Variants in MCTP1 observed in about 807,000 individuals in gnomAD.
MCTP1 encodes multiple C2 and transmembrane domain containing 1.
MCTP1 carries 69 observed loss-of-function variants against 120.6 expected under a neutral mutation model. That is an observed-to-expected ratio of 0.57 (90% CI 0.47 to 0.70). MCTP1 has a LOEUF of 0.70. Among genes scored for constraint, MCTP1 ranks in the 30% least tolerant of loss-of-function variants. MCTP1 has a pLI of 0.00. For synonymous variants in MCTP1, 529 were observed against 493.1 expected, an observed-to-expected ratio of 1.07 and a Z score of -0.96; for missense variants, 1,203 against 1,248.8, an observed-to-expected ratio of 0.96 and a Z score of 0.55.
Position 95,284,363 on chromosome 5 carries a change from C to A in MCTP1, c.213G>T (p.Gly71=), listed in dbSNP as rs528761511. The change falls in exon 1 of 23, where the codon GGG becomes GGT. Residue 71 remains glycine, a synonymous_variant. Transcript: ENST00000515393. This position sits in a 1 kb window ranked among gnomAD's most constrained non-coding sequence, Gnocchi z 5.2. ...PVGTGNAPAR[G]SGAGSRWSGF... ...CGCTCCACCTGCTGCCTGCACCACT[C>A]CCCCTGGCCGGTGCATTCCCTGTGC... 4.4e-6 allele frequency: 7 copies of A among 1,596,244 alleles called. No individual in the cohort carries two copies. The East Asian group carries it at 6.7e-5, about 15-fold the overall frequency.
rs70978134 is a variant in MCTP1, at chr5:94,847,646, CTGTGTGTGTG to C, written c.2436+20677_2436+20686del. ...ACTGATCATATTAAGAAGCAGCAAT[CTGTGTGTGTG>C]TGTGTGTGTGTGTGTGTGTGTGTGT... On this transcript the variant is annotated intron_variant, in intron 17 of 22. Transcript: ENST00000515393. Among the ~76,000 whole-genome samples the C allele has an allele frequency of 3.5e-4, 41 of 115,712 alleles. 1 individual carries two copies. Among genetic ancestry groups the C allele is most frequent in the African/African-American group, 6.6e-4 (20 of 30,078 alleles). The allele number at this position is 115,712 out of a possible 152,430, so 75.9% of individuals were successfully genotyped here. A position where few individuals can be genotyped will look rare whatever the true frequency, so the allele number is the denominator to read the frequency against.
intron 1 of MCTP1, among the ~76,000 whole-genome samples, chr5:95,182,412 A>C (rs1374342816): frequency 1.3e-5 from 2 of 152,192 alleles, no homozygotes; most frequent in African/African-American, 2.4e-5. Flanking sequence ...ACTACTCCTG[A>C]CACTTTTTTC....
At position 94,757,071 on chromosome 5, in the gene MCTP1, T is replaced by C. The variant is rs187141555; in HGVS notation, c.2610+22039A>G. Among the ~76,000 whole-genome samples the C allele has an allele frequency of 2.6e-5, 4 of 152,262 alleles. No homozygotes were observed. In the East Asian group the frequency reaches 7.7e-4, roughly 29 times the overall value. ...AGTTGCTTTGTCCTCATCTGTGAAA[T>C]GTGAATGACAGAACCTACCTAATAG... On this transcript the variant is annotated intron_variant, in intron 19 of 22. Transcript: ENST00000515393.
At chr5:95,059,156 A>C (rs1664821853) in intron 1 of MCTP1, among the ~76,000 whole-genome samples, 1 of 152,198 alleles carries the variant, frequency 6.6e-6, no homozygotes. Flanking sequence ...TAGCAAAGAC[A>C]CAGAATCAAC....
chr5:95,058,015 A>G (rs1173003647), intron 1 of MCTP1, among the ~76,000 whole-genome samples: 1 of 152,188 alleles, frequency 6.6e-6, no homozygotes, highest in African/African-American at 2.4e-5. Flanking sequence ...TTACAACAAC[A>G]ACAACAACAA....
intron 17 of MCTP1, among the ~76,000 whole-genome samples, chr5:94,862,477 C>A (rs1327441943): frequency 1.3e-5 from 2 of 151,730 alleles, no homozygotes; most frequent in African/African-American, 4.8e-5. Flanking sequence ...TTAGCAGATA[C>A]AAAAACAAAA....
intron 21 of MCTP1, 170 bp downstream of exon 21, chr5:94,710,648 G>T: frequency 1.9e-6 from 1 of 530,672 alleles, no homozygotes. Context: ...TTTGCAGGTG[G>T]ACCTAAATCT....
chr5:94,912,752 T>C (rs1016282491), intron 9 of MCTP1, 54 bp downstream of exon 9: 22 of 1,426,480 alleles, frequency 1.5e-5, no homozygotes, highest in Non-Finnish European at 1.9e-5. Context: ...GCAGGGCTAT[T>C]AACCAACCAA....
chr5:95,027,299 G>C (rs536770519), intron 1 of MCTP1, among the ~76,000 whole-genome samples: 1 of 152,270 alleles, frequency 6.6e-6, no homozygotes, highest in African/African-American at 2.4e-5. Context: ...TAAATCCCTT[G>C]CCCCTTGCTC....
chr5:94,726,686 G>C lies in MCTP1; in HGVS notation c.2611-11800C>G, dbSNP rs74363771. ...TTTATCTTTCCACTTGAGGTGGCAGGGTCATATGGTTCCTCCATTTTACAG... is the reference window on the plus strand; with the variant it reads ...TTTATCTTTCCACTTGAGGTGGCAGCGTCATATGGTTCCTCCATTTTACAG... On this transcript the variant is annotated intron_variant, in intron 19 of 22. Transcript: ENST00000515393. 2.8e-3 allele frequency among the ~76,000 whole-genome samples: 423 copies of C among 152,136 alleles called. 2 individuals carry two copies. Among genetic ancestry groups the C allele is most frequent in the African/African-American group, 0.01 (417 of 41,494 alleles).
intron 1 of MCTP1, among the ~76,000 whole-genome samples, chr5:95,263,994 T>C (rs1053684827): frequency 2.0e-5 from 3 of 152,168 alleles, no homozygotes; most frequent in Non-Finnish European, 4.4e-5. Context: ...TAAAAAACCA[T>C]CTTCTTGCAA....
intron 1 of MCTP1, among the ~76,000 whole-genome samples, chr5:95,102,454 G>T (rs1419256862): frequency 6.6e-6 from 1 of 152,202 alleles, no homozygotes; most frequent in Non-Finnish European, 1.5e-5. Flanking sequence ...TTGAAGGGTG[G>T]TTTGTTATTC....
At chr5:94,940,575 TACATATATATGTATATATATATACAC>T (rs1275421167) in intron 4 of MCTP1, among the ~76,000 whole-genome samples, 1,239 of 119,326 alleles carry the variant, frequency 0.01, 25 homozygotes, top group African/African-American at 0.043. Flanking sequence ...TATATATATA[TACATATATATGTATATATATATACAC>T]ATATACATAT....
At chr5:94,764,925 G>A (rs146701411) in intron 19 of MCTP1, among the ~76,000 whole-genome samples, 8 of 149,874 alleles carry the variant, frequency 5.3e-5, no homozygotes, top group South Asian at 2.1e-4. Context: ...CCATTTAATC[G>A]AACAGCTGCA....
At chr5:94,930,274 T>TA (rs1261643116) in intron 6 of MCTP1, among the ~76,000 whole-genome samples, 3 of 137,910 alleles carry the variant, frequency 2.2e-5, no homozygotes, top group African/African-American at 8.2e-5. Flanking sequence ...AGAATTTTTT[T>TA]TTTTTTTTTT....
Position 94,870,906 on chromosome 5 carries a change from A to G in MCTP1, c.2207T>C (p.Val736Ala). 1 of 1,612,812 alleles carries G rather than the reference A, an allele frequency of 6.2e-7. No homozygotes were observed. The highest frequency in any genetic ancestry group is 8.5e-7 in the Non-Finnish European group (1 of 1,179,286). ...AATCACATCTATTTCAAGATAGATG[A>G]CCCCCTTTGTTGGCCCTGTCAGCTG... is the stretch of plus-strand genomic sequence containing the variant. ...NKQLTGPTKGVIYLEIDVIFN... is the reference protein window; with the variant it reads ...NKQLTGPTKGAIYLEIDVIFN... Residue 736 changes from valine to alanine, a missense_variant, in exon 15 of 23, where the codon GTC (valine) becomes GCC (alanine). Physicochemically the swap from Val to Ala is moderately conservative, Grantham distance 64. Coordinates refer to ENST00000515393, the MANE Select transcript of MCTP1 (RefSeq NM_024717.7).
chr5:95,237,159 C>T (rs1755632106), intron 1 of MCTP1, among the ~76,000 whole-genome samples: 1 of 152,022 alleles, frequency 6.6e-6, no homozygotes, highest in African/African-American at 2.4e-5. Flanking sequence ...GAGACTCTGC[C>T]AGGCCATTTG....
chr5:95,001,041 T>C (rs1456282629), intron 2 of MCTP1, among the ~76,000 whole-genome samples: 3 of 152,216 alleles, frequency 2.0e-5, no homozygotes, highest in Non-Finnish European at 2.9e-5. Context: ...GTTCTCACGA[T>C]AGTGAGTGAG....
At chr5:95,227,574 T>A (rs1437661706) in intron 1 of MCTP1, among the ~76,000 whole-genome samples, 2 of 152,170 alleles carry the variant, frequency 1.3e-5, no homozygotes, top group African/African-American at 2.4e-5. Context: ...TTTATAGGAA[T>A]CATAGGAATC....
Sources: gnomAD v4.1 joint callset for allele counts (sites outside exome capture counted in the v4.1 genomes callset) on GRCh38, gnomAD v4.1.1 for gene constraint, Gnocchi (gnomAD v3.1) non-coding constraint, MANE v1.5 for transcripts, NCBI Gene and HGNC (gene_info 2026-07-23, HGNC 2026-07-21) for gene names.